SHOC1: variants seen among roughly 807,000 people sequenced by gnomAD.
The protein encoded by SHOC1 is protein shortage in chiasmata 1 ortholog.
In SHOC1, 136 loss-of-function variants were observed where a neutral mutation model predicts 179.2. That is an observed-to-expected ratio of 0.76 (90% CI 0.66 to 0.87). SHOC1 has a LOEUF of 0.87. Among genes scored for constraint, SHOC1 ranks in the 40% least tolerant of loss-of-function variants. SHOC1 has a pLI of 0.00. For missense variants in SHOC1, 1,538 were observed against 1,700.8 expected (o/e 0.90, Z 1.68); for synonymous variants, 489 against 586.6 (o/e 0.83, Z 2.41).
chr9:111,698,297 G>C (rs974455078), intron 24 of SHOC1, among the ~76,000 whole-genome samples: 1 of 152,120 alleles, frequency 6.6e-6, no homozygotes, highest in African/African-American at 2.4e-5. Context: ...TATTGCCTAG[G>C]TTTTCTTCGA....
At chr9:111,764,580 TAGACC>T (rs1835272849) in intron 5 of SHOC1, among the ~76,000 whole-genome samples, 1 of 151,948 alleles carries the variant, frequency 6.6e-6, no homozygotes, top group Non-Finnish European at 1.5e-5. Context: ...ATTGGGAGAG[TAGACC>T]ATAGGAAGTA....
chr9:111,791,463 A>C lies in SHOC1; in HGVS notation c.-36-9T>G. 3.1e-6 allele frequency: 4 copies of C among 1,308,638 alleles called. No individual in the cohort carries two copies. Among genetic ancestry groups the C allele is most frequent in the Non-Finnish European group, 4.1e-6 (4 of 981,696 alleles). The allele number at this position is 1,308,638 out of a possible 1,614,324, so 81.1% of individuals were successfully genotyped here. ...AGTGTAAATTTCAACATCTGGAAAT[A>C]CAAAAATTAAAATTAAACACTGGTA... On this transcript the variant is annotated splice_polypyrimidine_tract_variant and intron_variant, in intron 1 of 27. Coordinates refer to ENST00000682961, the MANE Select transcript of SHOC1 (RefSeq NM_001378211.1).
chr9:111,722,180 T>C (rs977252672), intron 15 of SHOC1, among the ~76,000 whole-genome samples: 1 of 152,150 alleles, frequency 6.6e-6, no homozygotes, highest in Non-Finnish European at 1.5e-5. Context: ...TCAAGTAATA[T>C]ATGTCAATTA....
intron 17 of SHOC1, among the ~76,000 whole-genome samples, chr9:111,713,754 A>G (rs545195693): frequency 2.6e-5 from 4 of 152,182 alleles, no homozygotes; most frequent in Non-Finnish European, 4.4e-5. Flanking sequence ...ATAAGATTTT[A>G]AAAAGCAATT....
intron 18 of SHOC1, among the ~76,000 whole-genome samples, chr9:111,712,598 T>C (rs1832602927): frequency 6.6e-6 from 1 of 152,070 alleles, no homozygotes; most frequent in Non-Finnish European, 1.5e-5. Context: ...GTGGAAAGGG[T>C]TGACAGAAGG....
At position 111,723,720 on chromosome 9, in the gene SHOC1, T is replaced by A. The variant is rs187964704; in HGVS notation, c.1954+72A>T. Reference sequence around the variant, plus strand: ...AGAAAATGACATGGAAAATGAGGTATGTCCTAGCTATCTAGGAAAGGACTT... The same window carrying A: ...AGAAAATGACATGGAAAATGAGGTAAGTCCTAGCTATCTAGGAAAGGACTT... On this transcript the variant is annotated intron_variant, in intron 14 of 27. Coordinates refer to ENST00000682961, the MANE Select transcript of SHOC1 (RefSeq NM_001378211.1). The A allele has an allele frequency of 1.7e-5, 23 of 1,378,198 alleles. No homozygotes were observed. The East Asian group carries it at 5.1e-4, about 30-fold the overall frequency. 85.4% of individuals were successfully genotyped at this position (1,378,198 alleles called of 1,614,324 possible).
intron 7 of SHOC1, 31 bp from the exon 8 acceptor site, chr9:111,756,509 G>A (rs1170062636): frequency 6.4e-7 from 1 of 1,558,646 alleles, no homozygotes; most frequent in East Asian, 2.3e-5. Context: ...AAAGTTTTTA[G>A]AGAGGCTTTC....
chr9:111,694,491 A>T (rs774286097), intron 24 of SHOC1, 129 bp from the exon 25 acceptor site: 3 of 641,942 alleles, frequency 4.7e-6, no homozygotes, highest in Non-Finnish European at 7.6e-6. Context: ...GATAGAAACT[A>T]TTGGTTTATC....
Position 111,756,337 on chromosome 9 carries a change from G to C in SHOC1, c.850C>G (p.Leu284Val). 2 of 1,593,008 alleles carry C rather than the reference G, an allele frequency of 1.3e-6. No homozygotes were observed. The highest frequency in any genetic ancestry group is 1.7e-6 in the Non-Finnish European group (2 of 1,173,244). ...AATTAATTCTCACCTCTTTCAAAAA[G>C]CTTTTCCTTTTCATCTACATAGTTT... The part of the protein sequence containing the change: ...IINYVDEKEK[L>V]FERDLTNKHG... The change falls in exon 8 of 28, where the codon CTT (leucine) becomes GTT (valine). Residue 284 changes from leucine (L) to valine (V), a missense_variant. By Grantham distance (32) the Leu-to-Val change is conservative. Coordinates refer to ENST00000682961, the MANE Select transcript of SHOC1 (RefSeq NM_001378211.1).
At chr9:111,759,350 A>G (rs10817215) in intron 5 of SHOC1, 317,779 of 1,508,044 alleles carry the variant, frequency 0.21, 35,457 homozygotes, top group Non-Finnish European at 0.23. Context: ...TTCTTAAGTT[A>G]TTCACATGGT....
chr9:111,710,432 G>A (rs571785106), intron 18 of SHOC1, among the ~76,000 whole-genome samples: 86 of 152,142 alleles, frequency 5.7e-4, no homozygotes, highest in Non-Finnish European at 9.0e-4. Flanking sequence ...TGTATATTTC[G>A]GTTCAGTCTT....
At chr9:111,754,843 T>C (rs558910386) in intron 8 of SHOC1, among the ~76,000 whole-genome samples, 1 of 152,336 alleles carries the variant, frequency 6.6e-6, no homozygotes, top group East Asian at 1.9e-4. Flanking sequence ...GTGAAATAAG[T>C]CACAGATGAC....
At chr9:111,700,294 G>A (rs1383074663) in intron 23 of SHOC1, among the ~76,000 whole-genome samples, 1 of 151,804 alleles carries the variant, frequency 6.6e-6, no homozygotes, top group African/African-American at 2.4e-5. Flanking sequence ...TGAGTTGTGG[G>A]AAGAACTTAA....
intron 24 of SHOC1, among the ~76,000 whole-genome samples, chr9:111,699,570 G>C (rs1472417066): frequency 6.6e-6 from 1 of 152,160 alleles, no homozygotes; most frequent in Non-Finnish European, 1.5e-5. Context: ...AGGGGGCCAA[G>C]GGAAGAGACT....
chr9:111,759,044 T>G (rs1835012969), intron 5 of SHOC1, 196 bp from the exon 6 acceptor site: 3 of 1,174,106 alleles, frequency 2.6e-6, no homozygotes, highest in Non-Finnish European at 3.6e-6. Flanking sequence ...TACAATAAAT[T>G]TTAGTATTAT....
intron 11 of SHOC1, among the ~76,000 whole-genome samples, chr9:111,738,998 C>T (rs1017582802): frequency 1.2e-4 from 18 of 152,034 alleles, no homozygotes; most frequent in African/African-American, 3.1e-4. Context: ...CTAGCCTAAA[C>T]GGGAGAAATC....
intron 5 of SHOC1, among the ~76,000 whole-genome samples, chr9:111,774,305 C>A (rs570251548): frequency 3.1e-4 from 47 of 152,172 alleles, no homozygotes; most frequent in Middle Eastern, 3.4e-3. Context: ...AATCTCAAAA[C>A]CACTTTTTCT....
At chr9:111,784,237 TG>T (rs769364151) in intron 3 of SHOC1, among the ~76,000 whole-genome samples, 7 of 152,224 alleles carry the variant, frequency 4.6e-5, no homozygotes, top group Non-Finnish European at 7.3e-5. Context: ...GCACAGCTGT[TG>T]ACTCTGACCA....
chr9:111,744,010 T>A (rs1309426772), intron 10 of SHOC1, among the ~76,000 whole-genome samples: 1 of 152,206 alleles, frequency 6.6e-6, no homozygotes, highest in African/African-American at 2.4e-5. Context: ...AAATCGTAAG[T>A]CATTAGTTAA....
Sources: gnomAD v4.1 joint callset for allele counts (sites outside exome capture counted in the v4.1 genomes callset) on GRCh38, gnomAD v4.1.1 for gene constraint, MANE v1.5 for transcripts, NCBI Gene and HGNC (gene_info 2026-07-23, HGNC 2026-07-21) for gene names.